The following FCRL5 variants were observed in gnomAD, a reference collection of about 807,000 sequenced individuals.
FCRL5 encodes the protein Fc receptor like 5.
Under a neutral mutation model 92.1 loss-of-function variants are expected in FCRL5, and 79 were observed. The ratio of observed to expected loss-of-function variants is 0.86; its 90% confidence interval spans 0.72 to 1.03. The LOEUF is 1.03. FCRL5 is among the 50% of genes least tolerant of loss of function. FCRL5 has a pLI of 0.00. For synonymous variants in FCRL5, 466 were observed against 469.3 expected (o/e 0.99, Z 0.09); for missense variants, 1,160 against 1,181.1 (o/e 0.98, Z 0.26).
At chr1:157,527,542 C>T in intron 9 of FCRL5, 75 bp downstream of exon 9, 2 of 1,421,734 alleles carry the variant, frequency 1.4e-6, no homozygotes, top group East Asian at 2.3e-5. Flanking sequence ...AGAAACTGTA[C>T]CTCTGATCTT....
At position 157,542,896 on chromosome 1, in the gene FCRL5, G is replaced by A. The variant is rs372391696; in HGVS notation, c.1086C>T (p.Gly362=). Residue 362 remains glycine (G), a synonymous_variant, in exon 6 of 17, where the codon GGC becomes GGT. Transcript: ENST00000361835. ...NYYCTADNGL[G]AKPSKAVSLS... is the part of the protein sequence containing the mutation. ...GGCTCACAGCCTTACTGGGCTTGGC[G>A]CCAAGGCCATTGTCAGCTGTGCAGT... The A allele has an allele frequency of 4.3e-5, 70 of 1,613,582 alleles. 1 individual carries two copies. The highest frequency in any genetic ancestry group is 1.9e-4 in the African/African-American group (14 of 74,916).
chr1:157,551,896 C>T (rs987095104), intron 1 of FCRL5, among the ~76,000 whole-genome samples: 15 of 152,156 alleles, frequency 9.9e-5, no homozygotes, highest in African/African-American at 3.4e-4. Flanking sequence ...AAGAGAAAGA[C>T]CTGTCTTTCC....
rs192858251 is a variant in FCRL5 at position 157,546,397 on chromosome 1, G to A, written c.307+546C>T. 1.3e-3 allele frequency: 460 copies of A among 348,138 alleles called. 2 individuals are homozygous for A. The highest frequency in any genetic ancestry group is 4.1e-3 in the Middle Eastern group (4 of 978). The allele number at this position is 348,138 out of a possible 1,614,324, so 21.6% of individuals were successfully genotyped here. A position where few individuals can be genotyped will look rare whatever the true frequency, so the allele number is the denominator to read the frequency against. On this transcript the variant is annotated intron_variant, in intron 3 of 16. Transcript: ENST00000361835. ...CGGGAGACAGAAGTTGCAGTGAGCC[G>A]AGATAACGCCACTGCACTCCAGCCT...
In FCRL5 at chr1:157,514,737, G is replaced by C. The variant is rs1649846685; in HGVS notation, c.*938C>G. 6.6e-6 allele frequency: 1 copy of C among 152,278 alleles called. No homozygotes were observed. The highest frequency in any genetic ancestry group is 1.5e-5 in the Non-Finnish European group (1 of 68,096). The allele number at this position is 152,278 out of a possible 1,614,324, so 9.4% of individuals were successfully genotyped here. A position where few individuals can be genotyped will look rare whatever the true frequency, so the allele number is the denominator to read the frequency against. On this transcript the variant is annotated 3_prime_UTR_variant, in exon 17 of 17. Coordinates refer to ENST00000361835, the MANE Select transcript of FCRL5 (RefSeq NM_031281.3). ...CCACAAGCACATGAAAGTGTGAGAAGCCCTTCCTCTTGCTGAACAGTTTCC... is the reference window on the plus strand; with the variant it reads ...CCACAAGCACATGAAAGTGTGAGAACCCCTTCCTCTTGCTGAACAGTTTCC...
At chr1:157,538,445 G>A (rs2317059) in intron 7 of FCRL5, among the ~76,000 whole-genome samples, 109,986 of 152,092 alleles carry the variant, frequency 0.72, 42,869 homozygotes, top group South Asian at 0.86. Context: ...AAGCTCAAAG[G>A]AAACCTTTTT....
At chr1:157,516,101 C>T in intron 15 of FCRL5, 1 of 619,264 alleles carries the variant, frequency 1.6e-6, no homozygotes, top group Non-Finnish European at 2.9e-6. Flanking sequence ...CTTTGTGGCC[C>T]ACTCTGAGCT....
intron 6 of FCRL5, 58 bp from the exon 7 acceptor site, chr1:157,539,422 A>G: frequency 1.3e-6 from 2 of 1,487,996 alleles, no homozygotes; most frequent in Non-Finnish European, 1.8e-6. Context: ...TAGTTTTCAT[A>G]AAAGGAAAAT....
At chr1:157,520,383 G>T in intron 12 of FCRL5, 48 bp downstream of exon 12, 2 of 1,355,772 alleles carry the variant, frequency 1.5e-6, no homozygotes, top group Non-Finnish European at 2.1e-6. Context: ...AGGGAGCGTT[G>T]CTGGGAAGGG....
At chr1:157,550,850 A>T (rs1486015271) in intron 1 of FCRL5, among the ~76,000 whole-genome samples, 1 of 152,230 alleles carries the variant, frequency 6.6e-6, no homozygotes, top group African/African-American at 2.4e-5. Flanking sequence ...GGTATTCTGC[A>T]TATGGGTTGA....
chr1:157,536,408 T>C (rs554215988), intron 7 of FCRL5, among the ~76,000 whole-genome samples: 2 of 152,352 alleles, frequency 1.3e-5, no homozygotes, highest in South Asian at 4.1e-4. Context: ...CCATTTCCTC[T>C]ACTGGGACTA....
At chr1:157,532,236 G>A (rs1422660593) in intron 8 of FCRL5, 1 of 146,762 alleles carries the variant, frequency 6.8e-6, no homozygotes, top group Non-Finnish European at 1.5e-5. Flanking sequence ...TTTTTTTTTT[G>A]TCAGTCCTAA....
chr1:157,521,653 T>C (rs1207761680), intron 10 of FCRL5: 3 of 162,816 alleles, frequency 1.8e-5, no homozygotes, highest in African/African-American at 7.2e-5. Context: ...AGCTTGTAGA[T>C]AAACAGGCAC....
At chr1:157,520,036 C>G (rs760866738) in intron 12 of FCRL5, among the ~76,000 whole-genome samples, 1 of 152,192 alleles carries the variant, frequency 6.6e-6, no homozygotes, top group Non-Finnish European at 1.5e-5. Context: ...GGAAAACAGA[C>G]TTGATCAACT....
At chr1:157,549,475 G>A in intron 2 of FCRL5, 85 bp downstream of exon 2, 2 of 1,249,286 alleles carry the variant, frequency 1.6e-6, no homozygotes, top group Non-Finnish European at 2.3e-6. Flanking sequence ...GGAGATCTCA[G>A]GCAGCCATCA....
At chr1:157,551,891 A>G (rs1651834605) in intron 1 of FCRL5, among the ~76,000 whole-genome samples, 1 of 152,192 alleles carries the variant, frequency 6.6e-6, no homozygotes, top group Non-Finnish European at 1.5e-5. Context: ...TGTACAAGAG[A>G]AAGACCTGTC....
At position 157,549,561 on chromosome 1, in the gene FCRL5, A is replaced by C; in HGVS notation, c.51T>G (p.Phe17Leu). The C allele has an allele frequency of 1.2e-6, 2 of 1,612,434 alleles. No individual in the cohort carries two copies. Among genetic ancestry groups the C allele is most frequent in the Non-Finnish European group, 1.7e-6 (2 of 1,179,306 alleles). ...LLVLAPVSGQ[F>L]ARTPRPIIFL... ...AGAGCCAAAGACAGGAGAACTCACC[A>C]AACTGTCCACTGACAGGAGCTGCAA... The change falls in exon 2 of 17, where the codon TTT becomes TTG. Residue 17 changes from phenylalanine to leucine, a missense_variant and splice_region_variant. Physicochemically the swap from Phe to Leu is conservative, Grantham distance 22. Coordinates refer to ENST00000361835, the MANE Select transcript of FCRL5 (RefSeq NM_031281.3).
intron 3 of FCRL5, among the ~76,000 whole-genome samples, chr1:157,546,690 T>G (rs1219020910): frequency 6.6e-6 from 1 of 152,222 alleles, no homozygotes; most frequent in Non-Finnish European, 1.5e-5. Context: ...CAAATCAAAC[T>G]TTAAGAACCA....
rs543656955 is a variant in FCRL5 at position 157,534,670 on chromosome 1, G to A, written c.1625C>T (p.Thr542Ile). 7.4e-6 allele frequency: 12 copies of A among 1,614,202 alleles called. No individual in the cohort carries two copies. The highest frequency in any genetic ancestry group is 1.7e-4 in the Middle Eastern group (1 of 6,060). ...CTGGGGACCAAAGCCATTGTCAGCT[G>A]TGCAGTAGTAATTCCCTGAATGTCC... ...TEGHSGNYYCTADNGFGPQRS... is the reference protein window; with the variant it reads ...TEGHSGNYYCIADNGFGPQRS... The change falls in exon 8 of 17, where the codon ACA (threonine) becomes ATA (isoleucine). Residue 542 changes from threonine to isoleucine, a missense_variant. By Grantham distance (89) the Thr-to-Ile change is moderately conservative. Transcript: ENST00000361835.
At chr1:157,525,079 T>A (rs1043728662) in intron 9 of FCRL5, among the ~76,000 whole-genome samples, 1 of 152,218 alleles carries the variant, frequency 6.6e-6, no homozygotes, top group Non-Finnish European at 1.5e-5. Flanking sequence ...AAGAATGGCA[T>A]GACATGCTAG....
Sources: gnomAD v4.1 joint callset for allele counts (sites outside exome capture counted in the v4.1 genomes callset) on GRCh38, gnomAD v4.1.1 for gene constraint, MANE v1.5 for transcripts, NCBI Gene and HGNC (gene_info 2026-07-23, HGNC 2026-07-21) for gene names.